Variants in SNX9 observed in about 807,000 individuals in gnomAD.
SNX9 encodes the protein sorting nexin 9, also known as sorting nexin-9.
SNX9 carries 44 observed loss-of-function variants against 89.4 expected under a neutral mutation model. The observed-to-expected ratio is 0.49, with a 90% CI of 0.39 to 0.63. The LOEUF is 0.63. SNX9 is among the 30% of genes least tolerant of loss of function. The pLI, the probability that SNX9 is intolerant of heterozygous loss-of-function variation, is 0.00. For missense variants in SNX9, 578 were observed against 736.1 expected, an observed-to-expected ratio of 0.79 and a Z score of 2.49; for synonymous variants, 236 against 247.8, an observed-to-expected ratio of 0.95 and a Z score of 0.45.
Position 157,944,225 on chromosome 6 carries a change from A to G in SNX9, c.*1387A>G, listed in dbSNP as rs747185600. ...TTTTCTGACCTAATAATTACGGGAA[A>G]TGGAAAGTCTGGGCCAGCATCAATA... On this transcript the variant is annotated 3_prime_UTR_variant, in exon 18 of 18. Coordinates refer to ENST00000392185, the MANE Select transcript of SNX9 (RefSeq NM_016224.5). 1 of 152,576 alleles carries G rather than the reference A, an allele frequency of 6.6e-6. No homozygotes were observed. Among genetic ancestry groups the G allele is most frequent in the Non-Finnish European group, 1.5e-5 (1 of 68,036 alleles). The allele number at this position is 152,576 out of a possible 1,614,324, so 9.5% of individuals were successfully genotyped here. A position where few individuals can be genotyped will look rare whatever the true frequency, so the allele number is the denominator to read the frequency against.
rs538389174 is a variant in SNX9 at position 157,825,725 on chromosome 6, G to T, written c.12+2279G>T. On this transcript the variant is annotated intron_variant, in intron 1 of 17. Transcript: ENST00000392185. Reference sequence around the variant, plus strand: ...GTTATTAAAAGAAGACCCTTCCTTTGTTTTCTGACATGCTGGTGATTCTTG... The same window carrying T: ...GTTATTAAAAGAAGACCCTTCCTTTTTTTTCTGACATGCTGGTGATTCTTG... Among the ~76,000 whole-genome samples the T allele has an allele frequency of 1.4e-4, 21 of 152,272 alleles. No individual in the cohort carries two copies. In the South Asian group the frequency reaches 3.7e-3, roughly 27 times the overall value.
chr6:157,923,954 G>GT (rs1341019579), intron 10 of SNX9, among the ~76,000 whole-genome samples: 2 of 152,142 alleles, frequency 1.3e-5, no homozygotes, highest in Non-Finnish European at 2.9e-5. Context: ...TTTAAAACAT[G>GT]TCCCAGGCTG....
chr6:157,824,680 G>C (rs1314530753), intron 1 of SNX9, among the ~76,000 whole-genome samples: 4 of 152,178 alleles, frequency 2.6e-5, no homozygotes, highest in Non-Finnish European at 5.9e-5. Context: ...AGCGTTTGTA[G>C]AGAAATGGGG....
intron 6 of SNX9, 67 bp from the exon 7 acceptor site, chr6:157,906,061 A>G: frequency 7.5e-7 from 1 of 1,337,174 alleles, no homozygotes; most frequent in Admixed American, 2.0e-5. Flanking sequence ...AAGTAAATGT[A>G]GACGAGAGTT....
intron 9 of SNX9, among the ~76,000 whole-genome samples, chr6:157,915,756 C>CTACTCA (rs1401411937): frequency 2.1e-5 from 3 of 145,092 alleles, no homozygotes; most frequent in Non-Finnish European, 4.5e-5. Flanking sequence ...ATCCAGGAGG[C>CTACTCA]GGAGGTTGCC....
intron 5 of SNX9, among the ~76,000 whole-genome samples, chr6:157,900,471 G>A (rs1200823864): frequency 3.9e-5 from 6 of 152,164 alleles, no homozygotes; most frequent in South Asian, 2.1e-4. Flanking sequence ...CAGGCGGATC[G>A]GCCCGTTGAG....
chr6:157,875,129 G>T lies in SNX9; in HGVS notation c.253G>T (p.Ala85Ser), dbSNP rs138147365. 3.2e-5 allele frequency: 52 copies of T among 1,614,034 alleles called. No homozygotes were observed. The highest frequency in any genetic ancestry group is 4.2e-5 in the Non-Finnish European group (49 of 1,179,974). Residue 85 changes from alanine (A) to serine (S), a missense_variant, in exon 4 of 18, where the codon GCC (alanine) becomes TCC (serine). Ala to Ser is a moderately conservative substitution (Grantham distance 99). Coordinates refer to ENST00000392185, the MANE Select transcript of SNX9 (RefSeq NM_016224.5). Reference sequence around the variant, plus strand: ...CCAAGCCTTCCTTGATTCTCTCTCAGCCAGCACAGCTCAGGCCAGTTCGTC... The same window carrying T: ...CCAAGCCTTCCTTGATTCTCTCTCATCCAGCACAGCTCAGGCCAGTTCGTC... The part of the protein sequence containing the change: ...ADQAFLDSLS[A>S]STAQASSSAA...
intron 4 of SNX9, among the ~76,000 whole-genome samples, chr6:157,881,290 A>G (rs930499497): frequency 6.6e-6 from 1 of 152,154 alleles, no homozygotes; most frequent in Non-Finnish European, 1.5e-5. Flanking sequence ...AGGCACCACA[A>G]TGGCGAGCTT....
At chr6:157,878,431 A>AT (rs1341249074) in intron 4 of SNX9, among the ~76,000 whole-genome samples, 6,246 of 131,282 alleles carry the variant, frequency 0.048, 171 homozygotes, top group East Asian at 0.093. Flanking sequence ...GAAGCCCACC[A>AT]TTTTTTTTTT....
At chr6:157,867,286 G>A (rs986936799) in intron 1 of SNX9, among the ~76,000 whole-genome samples, 4 of 152,060 alleles carry the variant, frequency 2.6e-5, no homozygotes, top group African/African-American at 9.7e-5. Context: ...ACTTTTTTAG[G>A]GTTGATCTCT....
intron 17 of SNX9, 97 bp from the exon 18 acceptor site, chr6:157,942,694 G>C (rs1042987066): frequency 1.5e-6 from 2 of 1,295,856 alleles, no homozygotes; most frequent in Non-Finnish European, 2.2e-6. Flanking sequence ...ATTGGAATTT[G>C]TGTCATGTTT....
At chr6:157,939,897 C>T (rs1333254400) in intron 16 of SNX9, among the ~76,000 whole-genome samples, 1 of 151,436 alleles carries the variant, frequency 6.6e-6, no homozygotes, top group Non-Finnish European at 1.5e-5. Context: ...GAGAAGGCGG[C>T]ATAGGAGGCA....
At chr6:157,932,562 T>C (rs1320245390) in intron 13 of SNX9, among the ~76,000 whole-genome samples, 1 of 152,154 alleles carries the variant, frequency 6.6e-6, no homozygotes, top group African/African-American at 2.4e-5. Flanking sequence ...TGCCAAGTCT[T>C]CCTGTGACAG....
chr6:157,873,546 AATAT>A (rs1782458681), intron 3 of SNX9, among the ~76,000 whole-genome samples: 2 of 147,658 alleles, frequency 1.4e-5, no homozygotes, highest in African/African-American at 4.9e-5. Flanking sequence ...TATATCTGTT[AATAT>A]ATACATTTTA....
intron 9 of SNX9, among the ~76,000 whole-genome samples, chr6:157,915,656 T>TAC (rs1355484937): frequency 6.7e-5 from 8 of 120,130 alleles, no homozygotes; most frequent in South Asian, 2.8e-4. Flanking sequence ...TATATATATA[T>TAC]ACACACACAC....
chr6:157,927,159 G>A lies in SNX9; in HGVS notation c.1129G>A (p.Val377Ile), dbSNP rs1222527263. ...RKAERDELAGVMIFSTMEPEA... is the reference protein window; with the variant it reads ...RKAERDELAGIMIFSTMEPEA... ...GGCCGAGAGAGATGAGCTGGCGGGA[G>A]TCATGATATTTTCCACCATGGAACC... The change falls in exon 11 of 18, where the codon GTC (valine) becomes ATC (isoleucine). Residue 377 changes from valine to isoleucine, a missense_variant. Val to Ile is a conservative substitution (Grantham distance 29, BLOSUM62 3). Transcript: ENST00000392185. The A allele has an allele frequency of 1.2e-6, 2 of 1,614,174 alleles. No homozygotes were observed. The highest frequency in any genetic ancestry group is 1.7e-6 in the Non-Finnish European group (2 of 1,180,022).
chr6:157,908,119 C>CT (rs1314456963), intron 7 of SNX9, among the ~76,000 whole-genome samples: 9 of 152,068 alleles, frequency 5.9e-5, no homozygotes, highest in African/African-American at 1.7e-4. Flanking sequence ...CTGGGTATAC[C>CT]TTTTTTTCCT....
In SNX9 at chr6:157,918,935, A is replaced by G. The variant is rs112683419; in HGVS notation, c.950-2596A>G. Among the ~76,000 whole-genome samples, 455 of 152,174 alleles carry G rather than the reference A, an allele frequency of 3.0e-3. 2 individuals are homozygous for G. The highest frequency in any genetic ancestry group is 0.011 in the African/African-American group (437 of 41,536). On this transcript the variant is annotated intron_variant, in intron 9 of 17. Transcript: ENST00000392185. ...ACATCTGTATGTTATGAATCCAACA[A>G]TACATTGTGGTAATTACTGCTTTCT...
chr6:157,903,293 T>C (rs189381293), intron 6 of SNX9, among the ~76,000 whole-genome samples: 1 of 152,320 alleles, frequency 6.6e-6, no homozygotes, highest in African/African-American at 2.4e-5. Flanking sequence ...TATTTAGACA[T>C]CAAGATCTAG....
Sources: gnomAD v4.1 joint callset for allele counts (sites outside exome capture counted in the v4.1 genomes callset) on GRCh38, gnomAD v4.1.1 for gene constraint, MANE v1.5 for transcripts, NCBI Gene and HGNC (gene_info 2026-07-23, HGNC 2026-07-21) for gene names.